The following ITIH6 variants were observed in gnomAD, a reference collection of about 807,000 sequenced individuals.
ITIH6 encodes the protein inter-alpha-trypsin inhibitor heavy chain H6.
ITIH6 carries 60 observed loss-of-function variants against 58.2 expected under a neutral mutation model. That is an observed-to-expected ratio of 1.03 (90% CI 0.84 to 1.28). The LOEUF is 1.28. Among genes scored for constraint, ITIH6 ranks in the 50% most tolerant of loss-of-function variants. The pLI is 0.00. For synonymous variants in ITIH6, 493 were observed against 417.4 expected (o/e 1.18, Z -2.21); for missense variants, 1,290 against 1,021.1 (o/e 1.26, Z -3.59).
At chrX:54,762,940 C>A (rs1378552097) in intron 6 of ITIH6, among the ~76,000 whole-genome samples, 1 of 111,737 alleles carries the variant, frequency 8.9e-6, no homozygotes, top group Non-Finnish European at 1.9e-5. Flanking sequence ...TTAATTATCA[C>A]AGCAACACAA....
intron 5 of ITIH6, 73 bp from the exon 6 acceptor site, chrX:54,774,270 T>G (rs1372886663): frequency 1.5e-5 from 8 of 520,290 alleles, no homozygotes; most frequent in Non-Finnish European, 2.5e-5. Context: ...AGGTCCCCTC[T>G]TATTTTCCTG....
chrX:54,782,901 A>G (rs1048940349), intron 5 of ITIH6, among the ~76,000 whole-genome samples: 2 of 111,902 alleles, frequency 1.8e-5, no homozygotes, highest in Admixed American at 9.5e-5. Flanking sequence ...AATGAAAACT[A>G]TAGGCCAACG....
chrX:54,765,652 G>A (rs1370155817), intron 6 of ITIH6, among the ~76,000 whole-genome samples: 8 of 102,073 alleles, frequency 7.8e-5, no homozygotes, highest in Non-Finnish European at 1.6e-4. Context: ...GCCAGACTGC[G>A]GACTGCAGTG....
At chrX:54,786,534 A>G (rs1370463271) in intron 5 of ITIH6, among the ~76,000 whole-genome samples, 2 of 110,929 alleles carry the variant, frequency 1.8e-5, no homozygotes, top group African/African-American at 6.6e-5. Context: ...ACGCCAAGCT[A>G]TTTGCAATTC....
intron 5 of ITIH6, among the ~76,000 whole-genome samples, chrX:54,778,149 GAA>G (rs1929086054): frequency 2.8e-5 from 3 of 107,863 alleles, no homozygotes; most frequent in Non-Finnish European, 5.7e-5. Context: ...GAATCAAGCA[GAA>G]ATTCTGGAAA....
At chrX:54,796,856 C>T in intron 2 of ITIH6, 86 bp downstream of exon 2, 1 of 974,133 alleles carries the variant, frequency 1.0e-6, no homozygotes, top group South Asian at 2.3e-5. Context: ...TTGTCTTAAT[C>T]ACTATGCTCT....
rs1283726596 is a variant in ITIH6, at chrX:54,758,225, T to C, written c.1849A>G (p.Ser617Gly). The change falls in exon 8 of 13, where the codon AGT (serine) becomes GGT (glycine). Residue 617 changes from serine (S) to glycine (G), a missense_variant. By Grantham distance (56) the Ser-to-Gly change is moderately conservative. Transcript: ENST00000218436. ...GAAGTCTGTCTCCTGGTCTCCTCAC[T>C]GGCCTGTTTGGGTTGCACCATGACC... ...SLVMVQPKQA[S>G]EETRRQTSTS... 1 of 1,209,289 alleles carries C rather than the reference T, an allele frequency of 8.3e-7. No individual in the cohort carries two copies. The highest frequency in any genetic ancestry group is 1.8e-5 in the African/African-American group (1 of 57,118).
intron 5 of ITIH6, among the ~76,000 whole-genome samples, 190 bp from the exon 6 acceptor site, chrX:54,774,387 C>T (rs1459783420): frequency 8.9e-6 from 1 of 112,788 alleles, no homozygotes; most frequent in Non-Finnish European, 1.9e-5. Flanking sequence ...TGTCTCAGCT[C>T]TTCAGACCTT....
At chrX:54,760,780 T>G (rs1228632115) in intron 6 of ITIH6, among the ~76,000 whole-genome samples, 3 of 111,856 alleles carry the variant, frequency 2.7e-5, no homozygotes, top group Non-Finnish European at 5.6e-5. Context: ...TCATTTTTTA[T>G]GGCTGCATAG....
intron 8 of ITIH6, 104 bp from the exon 9 acceptor site, chrX:54,755,213 C>G (rs908451786): frequency 2.2e-5 from 14 of 638,022 alleles, no homozygotes; most frequent in Non-Finnish European, 3.5e-5. Flanking sequence ...GGTTGACCTG[C>G]CCATCTCCAG....
At position 54,755,120 on chromosome X, in the gene ITIH6, C is replaced by G. The variant is rs1179697496; in HGVS notation, c.3110-11G>C. 5 of 1,186,622 alleles carry G rather than the reference C, an allele frequency of 4.2e-6. No homozygotes were observed. The highest frequency in any genetic ancestry group is 5.7e-6 in the Non-Finnish European group (5 of 874,099). On this transcript the variant is annotated splice_polypyrimidine_tract_variant and intron_variant, in intron 8 of 12. Coordinates refer to ENST00000218436, the MANE Select transcript of ITIH6 (RefSeq NM_198510.3). ...CCCAGTTTGGACTTCCTGCCAAGCACAAAAGAAATAAGAAAACCCTTCAAA... is the reference window on the plus strand; with the variant it reads ...CCCAGTTTGGACTTCCTGCCAAGCAGAAAAGAAATAAGAAAACCCTTCAAA...
chrX:54,786,325 C>T (rs1333128209), intron 5 of ITIH6, among the ~76,000 whole-genome samples: 1 of 111,808 alleles, frequency 8.9e-6, no homozygotes, highest in Non-Finnish European at 1.9e-5. Flanking sequence ...AGGTTTCCTT[C>T]TTCTACTGCG....
In ITIH6 at chrX:54,758,751, C is replaced by T; in HGVS notation, c.1323G>A (p.Leu441=). ...GGGCTATTCCCCGGTTTTCCAGGGA[C>T]AGGCGGCGCAGCAGTGTAAAGTCAG... ...DDADFTLLRR[L]SLENRGIARR... The change falls in exon 8 of 13, where the codon CTG becomes CTA. Residue 441 remains leucine (L), a synonymous_variant. Coordinates refer to ENST00000218436, the MANE Select transcript of ITIH6 (RefSeq NM_198510.3). 8.3e-7 allele frequency: 1 copy of T among 1,210,568 alleles called. No homozygotes were observed. The highest frequency in any genetic ancestry group is 1.1e-6 in the Non-Finnish European group (1 of 894,918).
At chrX:54,781,061 C>G (rs1172746140) in intron 5 of ITIH6, among the ~76,000 whole-genome samples, 1 of 111,217 alleles carries the variant, frequency 9.0e-6, no homozygotes, top group Non-Finnish European at 1.9e-5. Context: ...GAAACTGGAC[C>G]CCTTCCTCAT....
chrX:54,763,633 A>T (rs1928702835), intron 6 of ITIH6, among the ~76,000 whole-genome samples: 1 of 112,341 alleles, frequency 8.9e-6, no homozygotes, highest in African/African-American at 3.2e-5. Context: ...CTGCTTGAGC[A>T]GAATGTGTAA....
intron 6 of ITIH6, among the ~76,000 whole-genome samples, chrX:54,765,579 G>A (rs1343654745): frequency 2.8e-5 from 3 of 106,411 alleles, no homozygotes; most frequent in Non-Finnish European, 5.8e-5. Flanking sequence ...GTAGGTAAGC[G>A]GCATTATTTC....
intron 5 of ITIH6, among the ~76,000 whole-genome samples, chrX:54,775,287 T>C (rs1929031239): frequency 9.0e-6 from 1 of 111,401 alleles, no homozygotes; most frequent in Non-Finnish European, 1.9e-5. Flanking sequence ...CTTTCCCCGA[T>C]CCCATGCCCA....
rs368552046 is a variant in ITIH6, at chrX:54,759,308, A to ACC, written c.1076-312_1076-311dup. ...AGACTGGCAGGCTCCCAAGGCTAGCACCCCCCCCTCCAACCTTCTTGCTAC... is the reference window on the plus strand; with the variant it reads ...AGACTGGCAGGCTCCCAAGGCTAGCACCCCCCCCCCTCCAACCTTCTTGCTAC... On this transcript the variant is annotated intron_variant, in intron 7 of 12. Transcript: ENST00000218436. 8.4e-3 allele frequency among the ~76,000 whole-genome samples: 913 copies of ACC among 108,118 alleles called. 19 individuals are homozygous for ACC. Among genetic ancestry groups the ACC allele is most frequent in the African/African-American group, 0.029 (870 of 29,553 alleles). The allele number at this position is 108,118 out of a possible 115,157, so 93.9% of individuals were successfully genotyped here.
chrX:54,790,796 A>G, intron 4 of ITIH6, 41 bp downstream of exon 4: 1 of 1,205,114 alleles, frequency 8.3e-7, no homozygotes, highest in Non-Finnish European at 1.1e-6. Flanking sequence ...TCATTCAGTG[A>G]AGGCCAGTCT....
Sources: allele counts gnomAD v4.1 joint callset (sites outside exome capture counted in the v4.1 genomes callset), GRCh38; gene constraint gnomAD v4.1.1; transcripts MANE v1.5; gene names NCBI Gene and HGNC (gene_info 2026-07-23, HGNC 2026-07-21).